Variants in EXOC2 observed in about 807,000 individuals in gnomAD.
EXOC2 encodes the protein SEC5-like 1.
In EXOC2, 70 loss-of-function variants were observed where a neutral mutation model predicts 131.8. The observed-to-expected ratio is 0.53, with a 90% CI of 0.44 to 0.65. The LOEUF (loss-of-function observed/expected upper bound fraction) is 0.65, where lower values mean the gene tolerates loss of function less well. Among genes scored for constraint, EXOC2 ranks in the 30% least tolerant of loss-of-function variants. The pLI, the probability that EXOC2 is intolerant of heterozygous loss-of-function variation, is 0.00. For missense variants in EXOC2, 923 were observed against 1,108.6 expected, an observed-to-expected ratio of 0.83 and a Z score of 2.38; for synonymous variants, 411 against 398.4, an observed-to-expected ratio of 1.03 and a Z score of -0.38.
At chr6:690,433 C>G (rs147379587) in intron 1 of EXOC2, among the ~76,000 whole-genome samples, 1 of 152,130 alleles carries the variant, frequency 6.6e-6, no homozygotes, top group Non-Finnish European at 1.5e-5. Flanking sequence ...TTTCCCGGCC[C>G]GGCGCAGGGG....
intron 11 of EXOC2, among the ~76,000 whole-genome samples, chr6:590,500 GCTCTC>G (rs1235647703): frequency 6.6e-6 from 1 of 152,150 alleles, no homozygotes; most frequent in East Asian, 1.9e-4. Flanking sequence ...TACCAAGACT[GCTCTC>G]CTGTTACAGC....
chr6:594,120 G>A (rs1759689256), intron 10 of EXOC2, among the ~76,000 whole-genome samples: 1 of 152,214 alleles, frequency 6.6e-6, no homozygotes, highest in Non-Finnish European at 1.5e-5. Context: ...AGAAGGAAGA[G>A]CTTTACTCAG....
chr6:626,924 A>G (rs1402257297), intron 4 of EXOC2, among the ~76,000 whole-genome samples: 2 of 152,188 alleles, frequency 1.3e-5, no homozygotes, highest in South Asian at 4.1e-4. Flanking sequence ...TCCACAAACA[A>G]ATAATACTAA....
chr6:504,823 A>T (rs190885964), intron 23 of EXOC2, among the ~76,000 whole-genome samples: 2 of 152,306 alleles, frequency 1.3e-5, no homozygotes, highest in East Asian at 3.9e-4. Flanking sequence ...GTGATATAAG[A>T]AAGTGGGCAA....
chr6:586,026 A>G (rs1759186468), intron 11 of EXOC2, among the ~76,000 whole-genome samples: 1 of 152,258 alleles, frequency 6.6e-6, no homozygotes, highest in African/African-American at 2.4e-5. Flanking sequence ...AAAACAATGT[A>G]GCTTTATAAC....
chr6:544,700 CA>C (rs1561838895), intron 22 of EXOC2, among the ~76,000 whole-genome samples: 1 of 152,140 alleles, frequency 6.6e-6, no homozygotes, highest in Non-Finnish European at 1.5e-5. Context: ...CTACAATAAT[CA>C]AACATGTAAA....
At chr6:654,654 GT>G (rs1762978768) in intron 1 of EXOC2, among the ~76,000 whole-genome samples, 1 of 150,748 alleles carries the variant, frequency 6.6e-6, no homozygotes, top group African/African-American at 2.4e-5. Context: ...AAATTAAAAA[GT>G]TAGCTGGGCA....
intron 23 of EXOC2, among the ~76,000 whole-genome samples, chr6:501,138 C>A (rs1478859523): frequency 5.6e-4 from 5 of 8,916 alleles, no homozygotes; most frequent in Non-Finnish European, 9.2e-4. Context: ...TTATATATAT[C>A]TATATATATT....
chr6:564,675 G>A lies in EXOC2; in HGVS notation c.1537C>T (p.Leu513=), dbSNP rs1358194577. 1 of 1,604,422 alleles carries A rather than the reference G, an allele frequency of 6.2e-7. No individual in the cohort carries two copies. The highest frequency in any genetic ancestry group is 1.7e-5 in the Admixed American group (1 of 58,184). Residue 513 remains leucine (L), a synonymous_variant, in exon 15 of 28, where the codon CTG becomes TTG. Coordinates refer to ENST00000230449, the MANE Select transcript of EXOC2 (RefSeq NM_018303.6). The part of the protein sequence containing the change: ...KKMIQEVMHS[L]VKLTRGALLP... ...AGGGCTCCGCGGGTAAGCTTCACCA[G>A]GGAGTGCATTACTTCCTGAATCATT...
At chr6:557,271 G>A (rs1462774219) in intron 17 of EXOC2, among the ~76,000 whole-genome samples, 4 of 152,224 alleles carry the variant, frequency 2.6e-5, no homozygotes, top group African/African-American at 7.2e-5. Context: ...TTGACAAAAT[G>A]GTTTAAAAAA....
At chr6:656,580 A>G in intron 1 of EXOC2, 2 of 1,592,674 alleles carry the variant, frequency 1.3e-6, no homozygotes, top group Non-Finnish European at 1.7e-6. Flanking sequence ...AGCGCGGCCC[A>G]GGGACGAGAC....
At chr6:636,436 G>A (rs1020032189) in intron 2 of EXOC2, among the ~76,000 whole-genome samples, 8 of 152,126 alleles carry the variant, frequency 5.3e-5, no homozygotes, top group African/African-American at 1.7e-4. Flanking sequence ...GAGAGATGCC[G>A]GTCACAGTTA....
intron 1 of EXOC2, among the ~76,000 whole-genome samples, chr6:675,821 C>T (rs1764095071): frequency 1.7e-5 from 1 of 59,120 alleles, no homozygotes; most frequent in African/African-American, 4.5e-5. Context: ...TCTGAGGTTC[C>T]CCATACTCTT....
chr6:487,662 C>T (rs896756859), intron 27 of EXOC2, among the ~76,000 whole-genome samples: 3 of 152,174 alleles, frequency 2.0e-5, no homozygotes, highest in African/African-American at 7.2e-5. Context: ...ACCTCAGCCT[C>T]CCAAAGTGCT....
intron 1 of EXOC2, among the ~76,000 whole-genome samples, chr6:650,339 A>C (rs1252496904): frequency 6.6e-6 from 1 of 152,236 alleles, no homozygotes; most frequent in Non-Finnish European, 1.5e-5. Context: ...GCTCTAAGGC[A>C]TCTCTGAGCT....
chr6:600,958 T>C (rs566198453), intron 7 of EXOC2, among the ~76,000 whole-genome samples: 1 of 152,320 alleles, frequency 6.6e-6, no homozygotes, highest in South Asian at 2.1e-4. Context: ...CTGAAGTTCC[T>C]AACTCTGATT....
At chr6:642,611 T>C (rs1331646665) in intron 1 of EXOC2, among the ~76,000 whole-genome samples, 1 of 152,240 alleles carries the variant, frequency 6.6e-6, no homozygotes, top group East Asian at 1.9e-4. Context: ...AAAGAGTCTA[T>C]AACAAATGTT....
intron 7 of EXOC2, among the ~76,000 whole-genome samples, chr6:607,164 G>A (rs1043304259): frequency 6.6e-6 from 1 of 152,182 alleles, no homozygotes; most frequent in Non-Finnish European, 1.5e-5. Flanking sequence ...AGTTCTCCAC[G>A]GTGTTGCTGG....
chr6:621,735 G>C (rs1018459627), intron 4 of EXOC2, among the ~76,000 whole-genome samples: 2 of 152,116 alleles, frequency 1.3e-5, no homozygotes, highest in Non-Finnish European at 2.9e-5. Flanking sequence ...ACATGCATGT[G>C]GCATTCATTA....
Sources: gnomAD v4.1 joint callset for allele counts (sites outside exome capture counted in the v4.1 genomes callset) on GRCh38, gnomAD v4.1.1 for gene constraint, MANE v1.5 for transcripts, NCBI Gene and HGNC (gene_info 2026-07-23, HGNC 2026-07-21) for gene names.